RBM19: variants seen among roughly 807,000 people sequenced by gnomAD.
The protein encoded by RBM19 is probable RNA-binding protein 19.
A neutral mutation model predicts 116.8 loss-of-function variants in RBM19; 94 were observed. The ratio of observed to expected loss-of-function variants is 0.80; its 90% CI spans 0.68 to 0.95. The LOEUF (loss-of-function observed/expected upper bound fraction) is 0.95, where lower values mean the gene tolerates loss of function less well. Among genes scored for constraint, RBM19 ranks in the 40% least tolerant of loss-of-function variants. RBM19 has a pLI of 0.00. For synonymous variants in RBM19, 475 were observed against 494.1 expected (o/e 0.96, Z 0.51); for missense variants, 1,161 against 1,220.7 (o/e 0.95, Z 0.73).
At chr12:113,940,506 C>T (rs530835963) in intron 14 of RBM19, among the ~76,000 whole-genome samples, 4 of 152,322 alleles carry the variant, frequency 2.6e-5, no homozygotes, top group East Asian at 3.9e-4. Flanking sequence ...AACTACAGAC[C>T]GCCCACCTGC....
At chr12:113,870,133 T>G (rs4767152) in intron 21 of RBM19, among the ~76,000 whole-genome samples, 17,392 of 152,206 alleles carry the variant, frequency 0.11, 1,173 homozygotes, top group Non-Finnish European at 0.15. Context: ...TGAGCTCTCT[T>G]GTAAAACAGA....
At chr12:113,837,279 G>A (rs909052761) in intron 23 of RBM19, among the ~76,000 whole-genome samples, 48 of 57,876 alleles carry the variant, frequency 8.3e-4, no homozygotes, top group African/African-American at 2.9e-3. Flanking sequence ...ACACACACAC[G>A]TGTGCTACTG....
At chr12:113,817,686 C>T (rs1874138890), downstream of RBM19, 1 of 152,258 alleles carries the variant, frequency 6.6e-6, no homozygotes, top group Non-Finnish European at 1.5e-5. Flanking sequence ...CTGTGTAAGT[C>T]TGTGGAATGA....
Position 113,960,047 on chromosome 12 carries a change from C to T in RBM19, c.339+12G>A, listed in dbSNP as rs1261337422. 6.2e-7 allele frequency: 1 copy of T among 1,614,082 alleles called. No individual in the cohort carries two copies. The highest frequency in any genetic ancestry group is 8.5e-7 in the Non-Finnish European group (1 of 1,180,044). On this transcript the variant is annotated intron_variant, in intron 3 of 23. Coordinates refer to ENST00000261741, the MANE Select transcript of RBM19 (RefSeq NM_016196.4). The stretch of plus-strand genomic sequence containing the variant: ...GCAGTGGGGACAGAGGCTAGAGTGA[C>T]CCTTTACATACTTTCTTAATTTCTG...
chr12:113,901,716 T>C (rs1039335019), intron 21 of RBM19, among the ~76,000 whole-genome samples: 2 of 152,096 alleles, frequency 1.3e-5, no homozygotes, highest in African/African-American at 2.4e-5. Flanking sequence ...GGTTTCACCA[T>C]GTTGGCTAGG....
intron 20 of RBM19, among the ~76,000 whole-genome samples, chr12:113,917,316 C>T (rs1253926999): frequency 6.6e-6 from 1 of 152,226 alleles, no homozygotes; most frequent in African/African-American, 2.4e-5. Flanking sequence ...GCTTAACACA[C>T]AACCTCTACT....
chr12:113,836,799 A>G (rs1875935460), intron 23 of RBM19, among the ~76,000 whole-genome samples: 1 of 150,898 alleles, frequency 6.6e-6, no homozygotes, highest in Non-Finnish European at 1.5e-5. Flanking sequence ...TGTCAGGCAT[A>G]CCTGTCCTCC....
intron 21 of RBM19, among the ~76,000 whole-genome samples, chr12:113,914,649 G>T (rs1882655720): frequency 6.6e-6 from 1 of 152,214 alleles, no homozygotes. Context: ...CAGATCATGG[G>T]TAGGGCTGGG....
At chr12:113,946,662 T>C (rs1446403722) in intron 11 of RBM19, among the ~76,000 whole-genome samples, 187 bp from the exon 12 acceptor site, 1 of 152,114 alleles carries the variant, frequency 6.6e-6, no homozygotes, top group Non-Finnish European at 1.5e-5. Context: ...CCTGATGTCG[T>C]GAGGGGGCCA....
At chr12:113,824,173 AC>A in intron 23 of RBM19, among the ~76,000 whole-genome samples, 1 of 152,354 alleles carries the variant, frequency 6.6e-6, no homozygotes, top group South Asian at 2.1e-4. Context: ...CAGCAACCCC[AC>A]AGGCAGGTGG....
chr12:113,961,699 C>T (rs887750722), intron 2 of RBM19, among the ~76,000 whole-genome samples: 1 of 152,214 alleles, frequency 6.6e-6, no homozygotes, highest in African/African-American at 2.4e-5. Flanking sequence ...GCTTTCCTGA[C>T]TCCTCCCTGG....
Position 113,924,736 on chromosome 12 carries a change from C to T in RBM19, c.2266G>A (p.Val756Met), listed in dbSNP as rs1322423676. The stretch of plus-strand genomic sequence containing the variant: ...TTCTTGGAGATGGAGCAGCTCTTCA[C>T]TGTCCCCACTTTTGAAAACACCTGG... ...LKEVFSKVGT[V>M]KSCSISKKKN... Residue 756 changes from valine (V) to methionine (M), a missense_variant, in exon 18 of 24, where the codon GTG becomes ATG. Val to Met is a conservative substitution (Grantham distance 21, BLOSUM62 1). Transcript: ENST00000261741. 6.4e-7 allele frequency: 1 copy of T among 1,552,366 alleles called. No individual in the cohort carries two copies. The highest frequency in any genetic ancestry group is 8.9e-7 in the Non-Finnish European group (1 of 1,123,920).
chr12:113,949,991 G>A, intron 9 of RBM19, 92 bp downstream of exon 9: 2 of 1,141,092 alleles, frequency 1.8e-6, no homozygotes, highest in Non-Finnish European at 2.6e-6. Flanking sequence ...TCTTGGTGGT[G>A]GTGATGGTGC....
In RBM19 at chr12:113,823,142, C is replaced by T. The variant is rs1874554744; in HGVS notation, c.*82G>A. 7.4e-7 allele frequency: 1 copy of T among 1,346,344 alleles called. No individual in the cohort carries two copies. Among genetic ancestry groups the T allele is most frequent in the African/African-American group, 1.4e-5 (1 of 69,018 alleles). 83.4% of individuals were successfully genotyped at this position (1,346,344 alleles called of 1,614,324 possible). ...TGCCGCTCCCCGCCCCGCCCCCCAGCCCACATGGTGGTGAGTGCAGAAGCT... is the reference window on the plus strand; with the variant it reads ...TGCCGCTCCCCGCCCCGCCCCCCAGTCCACATGGTGGTGAGTGCAGAAGCT... On this transcript the variant is annotated 3_prime_UTR_variant, in exon 24 of 24. Coordinates refer to ENST00000261741, the MANE Select transcript of RBM19 (RefSeq NM_016196.4).
Position 113,823,038 on chromosome 12 carries a change from T to C in RBM19, c.*186A>G. ...CGTCACTGGTGAAACCCAGGATGCC[T>C]GGGCCGCTGGGCAGTGGCCTGAGGC... On this transcript the variant is annotated 3_prime_UTR_variant, in exon 24 of 24. Transcript: ENST00000261741. 1.7e-6 allele frequency: 1 copy of C among 596,646 alleles called. No individual in the cohort carries two copies. Among genetic ancestry groups the C allele is most frequent in the African/African-American group, 1.9e-5 (1 of 53,710 alleles). The allele number at this position is 596,646 out of a possible 1,614,324, so 37.0% of individuals were successfully genotyped here.
At chr12:113,919,448 G>A (rs1475658858) in intron 19 of RBM19, among the ~76,000 whole-genome samples, 2 of 152,204 alleles carry the variant, frequency 1.3e-5, no homozygotes, top group Non-Finnish European at 2.9e-5. Flanking sequence ...GCGGGCGCCT[G>A]TAGTCCCAGC....
At chr12:113,824,707 C>A (rs1016990576) in intron 23 of RBM19, among the ~76,000 whole-genome samples, 2 of 152,066 alleles carry the variant, frequency 1.3e-5, no homozygotes, top group Admixed American at 1.3e-4. Context: ...CTTGGTTTCC[C>A]TCTGCGTGTT....
At chr12:113,911,057 G>C (rs1017392033) in intron 21 of RBM19, among the ~76,000 whole-genome samples, 5 of 152,174 alleles carry the variant, frequency 3.3e-5, no homozygotes, top group Admixed American at 6.5e-5. Context: ...GTGGCGGTGG[G>C]GGGGGTGGGA....
chr12:113,936,040 AACAAAACAAAAC>A (rs371287075), intron 16 of RBM19, among the ~76,000 whole-genome samples: 23,880 of 151,654 alleles, frequency 0.16, 2,450 homozygotes, highest in African/African-American at 0.3. Context: ...AAAAAAACAA[AACAAAACAAAAC>A]AAAAAAAACA....
Sources: gnomAD v4.1 joint callset for allele counts (sites outside exome capture counted in the v4.1 genomes callset) on GRCh38, gnomAD v4.1.1 for gene constraint, MANE v1.5 for transcripts, NCBI Gene and HGNC (gene_info 2026-07-23, HGNC 2026-07-21) for gene names.